The following TENM3 variants were observed in gnomAD, a reference collection of about 807,000 sequenced individuals.
The protein encoded by TENM3 is teneurin transmembrane protein 3.
A neutral mutation model predicts 255.1 loss-of-function variants in TENM3; 63 were observed. The ratio of observed to expected loss-of-function variants is 0.25; its 90% CI spans 0.20 to 0.30. The LOEUF is 0.30. TENM3 is among the 10% of genes least tolerant of loss of function. The probability of loss-of-function intolerance (pLI) is 1.00; values close to 1 mark genes in which losing one functional copy is unlikely to be tolerated. For synonymous variants in TENM3, 1,306 were observed against 1,322.3 expected (o/e 0.99, Z 0.27); for missense variants, 2,929 against 3,461.1 (o/e 0.85, Z 3.86).
chr4:182,104,075 C>A, the TENM3 span, among the ~76,000 whole-genome samples: 2 of 152,290 alleles, frequency 1.3e-5, no homozygotes, highest in East Asian at 3.9e-4. Flanking sequence ...AAATATTTAA[C>A]ACCCAGTGTG....
the TENM3 span, among the ~76,000 whole-genome samples, chr4:181,811,980 A>G: frequency 7.5e-4 from 114 of 152,318 alleles, no homozygotes; most frequent in Non-Finnish European, 1.4e-3. Flanking sequence ...TTTAGGGCAA[A>G]TATTGCCTTT....
the TENM3 span, among the ~76,000 whole-genome samples, chr4:181,486,892 AAAAAT>A: frequency 6.6e-6 from 1 of 152,210 alleles, no homozygotes; most frequent in Admixed American, 6.5e-5. Context: ...CTTCTAGGTT[AAAAAT>A]ATAATCTTCT....
chr4:181,680,837 G>A, the TENM3 span, among the ~76,000 whole-genome samples: 8 of 152,050 alleles, frequency 5.3e-5, no homozygotes, highest in South Asian at 2.1e-4. Context: ...TTGACTTTAC[G>A]TTTTCCAAAA....
At chr4:182,176,593 A>G (rs1404526481) in intron 1 of TENM3, among the ~76,000 whole-genome samples, 2 of 152,190 alleles carry the variant, frequency 1.3e-5, no homozygotes, top group Admixed American at 6.5e-5. Flanking sequence ...TAAAACAGTC[A>G]CCAACATTTA....
chr4:182,390,708 C>T (rs1026077436), intron 3 of TENM3, among the ~76,000 whole-genome samples: 6 of 152,220 alleles, frequency 3.9e-5, no homozygotes, highest in African/African-American at 1.4e-4. Flanking sequence ...CCGTCCCCAT[C>T]TCTCCACCCT....
At chr4:181,515,307 A>G in the TENM3 span, among the ~76,000 whole-genome samples, 1 of 152,138 alleles carries the variant, frequency 6.6e-6, no homozygotes, top group Admixed American at 6.5e-5. Context: ...GACAGGTTGG[A>G]CTTTTCATTT....
the TENM3 span, among the ~76,000 whole-genome samples, chr4:182,027,367 T>G: frequency 6.6e-6 from 1 of 152,262 alleles, no homozygotes; most frequent in Admixed American, 6.5e-5. Context: ...GTTCTAATAG[T>G]TTTTTATGGA....
the TENM3 span, among the ~76,000 whole-genome samples, chr4:182,124,776 A>G: frequency 6.6e-6 from 1 of 152,242 alleles, no homozygotes; most frequent in African/African-American, 2.4e-5. Flanking sequence ...TTTGAGTTCA[A>G]CTGCAGTCAA....
chr4:182,147,268 G>C (rs1039066279), intron 1 of TENM3, among the ~76,000 whole-genome samples: 7 of 152,250 alleles, frequency 4.6e-5, no homozygotes, highest in Admixed American at 2.0e-4. Context: ...TAGGCTCGGT[G>C]TACAAAAAAT....
At chr4:181,863,946 G>A in the TENM3 span, among the ~76,000 whole-genome samples, 1 of 152,106 alleles carries the variant, frequency 6.6e-6, no homozygotes, top group Non-Finnish European at 1.5e-5. Flanking sequence ...GTTAATTCAT[G>A]TCAGTTTGCA....
intron 1 of TENM3, among the ~76,000 whole-genome samples, chr4:182,161,760 T>A (rs71636174): frequency 0.22 from 3,114 of 14,370 alleles, 644 homozygotes; most frequent in Non-Finnish European, 0.32. Context: ...TATATATACA[T>A]ATATATGTGT....
At chr4:181,913,128 C>CTG in the TENM3 span, among the ~76,000 whole-genome samples, 2 of 152,096 alleles carry the variant, frequency 1.3e-5, no homozygotes, top group Admixed American at 1.3e-4. Flanking sequence ...CCGGGATGAG[C>CTG]TGTCCATCTC....
At chr4:181,869,020 C>T in the TENM3 span, among the ~76,000 whole-genome samples, 1 of 151,794 alleles carries the variant, frequency 6.6e-6, no homozygotes, top group South Asian at 2.1e-4. Flanking sequence ...AAAACTGTTG[C>T]TGACCAATTT....
At chr4:182,434,644 CAAAAA>C (rs397878555) in intron 3 of TENM3, among the ~76,000 whole-genome samples, 1 of 121,834 alleles carries the variant, frequency 8.2e-6, no homozygotes, top group African/African-American at 3.2e-5. Context: ...GCCTGGGAGA[CAAAAA>C]AAAAAAAACC....
chr4:181,967,781 G>A, the TENM3 span, among the ~76,000 whole-genome samples: 7 of 152,178 alleles, frequency 4.6e-5, no homozygotes, highest in East Asian at 1.2e-3. Flanking sequence ...GTGAGGTATG[G>A]TTCTCCCAAC....
chr4:182,029,949 ACTGAAGT>A, the TENM3 span, among the ~76,000 whole-genome samples: 1 of 146,152 alleles, frequency 6.8e-6, no homozygotes, highest in Non-Finnish European at 1.5e-5. Flanking sequence ...TTCACATATA[ACTGAAGT>A]CTTCATTTTT....
chr4:182,677,531 CTTAT>C (rs1022994349), intron 7 of TENM3, among the ~76,000 whole-genome samples: 2 of 152,130 alleles, frequency 1.3e-5, no homozygotes, highest in East Asian at 1.9e-4. Context: ...AAATGAATGG[CTTAT>C]TTGAGACAGA....
chr4:182,468,994 A>G (rs1005072935), intron 3 of TENM3, among the ~76,000 whole-genome samples: 1 of 152,070 alleles, frequency 6.6e-6, no homozygotes, highest in Non-Finnish European at 1.5e-5. Flanking sequence ...ATTAATCTCT[A>G]TATGGATTTA....
intron 5 of TENM3, among the ~76,000 whole-genome samples, chr4:182,629,654 A>T (rs1751166123): frequency 6.6e-6 from 1 of 152,162 alleles, no homozygotes. Context: ...AATGGTGTCC[A>T]CTGAGATAAA....
Sources: gnomAD v4.1 joint callset for allele counts (sites outside exome capture counted in the v4.1 genomes callset) on GRCh38, gnomAD v4.1.1 for gene constraint, MANE v1.5 for transcripts, NCBI Gene and HGNC (gene_info 2026-07-23, HGNC 2026-07-21) for gene names.